The following CACNG2 variants were observed in gnomAD, a reference collection of about 807,000 sequenced individuals.
CACNG2 encodes voltage-dependent calcium channel gamma-2 subunit.
A neutral mutation model predicts 25.9 loss-of-function variants in CACNG2; 3 were observed. That is an observed-to-expected ratio of 0.12 (90% CI 0.05 to 0.30). CACNG2 has a LOEUF of 0.30. CACNG2 is among the 10% of genes least tolerant of loss of function. CACNG2 has a pLI of 1.00. For missense variants in CACNG2, 341 were observed against 432.5 expected (o/e 0.79, Z 1.88); for synonymous variants, 167 against 173.3 (o/e 0.96, Z 0.29).
chr22:36,601,074 A>C (rs1400019689), intron 1 of CACNG2, among the ~76,000 whole-genome samples: 1 of 152,214 alleles, frequency 6.6e-6, no homozygotes, highest in Non-Finnish European at 1.5e-5. Flanking sequence ...CATGTTGTAC[A>C]TTAGAGCTCT....
intron 1 of CACNG2, among the ~76,000 whole-genome samples, chr22:36,613,567 T>A (rs934009064): frequency 6.6e-6 from 1 of 152,178 alleles, no homozygotes; most frequent in African/African-American, 2.4e-5. Flanking sequence ...CCTCTGATTA[T>A]CTTGTACATT....
chr22:36,653,982 C>CTCTG (rs1936664911), intron 1 of CACNG2, among the ~76,000 whole-genome samples: 1 of 134,206 alleles, frequency 7.5e-6, no homozygotes, highest in African/African-American at 2.8e-5. Context: ...GTGTGTGTCT[C>CTCTG]TGTGTGTGTG....
intron 1 of CACNG2, among the ~76,000 whole-genome samples, chr22:36,667,960 A>G (rs1936896401): frequency 6.6e-6 from 1 of 152,222 alleles, no homozygotes; most frequent in Non-Finnish European, 1.5e-5. Flanking sequence ...ACCATCAAAC[A>G]GCAAGCACAC....
chr22:36,646,574 T>G (rs1244286535), intron 1 of CACNG2, among the ~76,000 whole-genome samples: 1 of 152,156 alleles, frequency 6.6e-6, no homozygotes, highest in Non-Finnish European at 1.5e-5. Flanking sequence ...GATAATTGCC[T>G]CCTTTATATG....
intron 1 of CACNG2, among the ~76,000 whole-genome samples, chr22:36,659,610 C>A (rs1936758910): frequency 7.7e-6 from 1 of 130,414 alleles, no homozygotes. Context: ...AGGAGTGGGG[C>A]CAAAGAAGCA....
intron 1 of CACNG2, among the ~76,000 whole-genome samples, chr22:36,639,103 G>A (rs7289090): frequency 0.072 from 10,972 of 152,212 alleles, 1,317 homozygotes; most frequent in African/African-American, 0.25. Flanking sequence ...AGGTTGGATC[G>A]TGGATCCTCC....
At chr22:36,661,210 T>C (rs928722314) in intron 1 of CACNG2, among the ~76,000 whole-genome samples, 8 of 152,240 alleles carry the variant, frequency 5.3e-5, no homozygotes, top group Non-Finnish European at 8.8e-5. Context: ...GAGGCTGCCA[T>C]GTACGTCGGA....
At chr22:36,603,576 T>G (rs970350008) in intron 1 of CACNG2, among the ~76,000 whole-genome samples, 1 of 152,190 alleles carries the variant, frequency 6.6e-6, no homozygotes, top group African/African-American at 2.4e-5. Flanking sequence ...CTAACTCTCT[T>G]GATAGGGGCT....
At chr22:36,607,484 CTT>C (rs1228617962) in intron 1 of CACNG2, among the ~76,000 whole-genome samples, 2 of 152,174 alleles carry the variant, frequency 1.3e-5, no homozygotes, top group African/African-American at 4.8e-5. Flanking sequence ...TCAAGTGATT[CTT>C]TCACCTCTCA....
chr22:36,680,492 T>C (rs1484468006), intron 1 of CACNG2, among the ~76,000 whole-genome samples: 5 of 144,484 alleles, frequency 3.5e-5, no homozygotes, highest in Non-Finnish European at 7.6e-5. Flanking sequence ...ACAGTCATTA[T>C]TACCACCATC....
chr22:36,568,532 G>A (rs1935167058), intron 2 of CACNG2, among the ~76,000 whole-genome samples: 1 of 151,988 alleles, frequency 6.6e-6, no homozygotes, highest in East Asian at 1.9e-4. Flanking sequence ...AGCCTCCCAA[G>A]TAGGTGGGAC....
chr22:36,654,523 T>C (rs1211950927), intron 1 of CACNG2, among the ~76,000 whole-genome samples: 1 of 152,150 alleles, frequency 6.6e-6, no homozygotes, highest in African/African-American at 2.4e-5. Context: ...TGACCCACTG[T>C]GCACAGCCTC....
chr22:36,583,475 T>C (rs1035890472), intron 2 of CACNG2, among the ~76,000 whole-genome samples: 1 of 152,130 alleles, frequency 6.6e-6, no homozygotes. Context: ...GAGGAGCTAT[T>C]TGGGAACCTG....
intron 2 of CACNG2, among the ~76,000 whole-genome samples, chr22:36,586,957 CT>C (rs552111507): frequency 8.1e-4 from 114 of 140,510 alleles, no homozygotes; most frequent in Admixed American, 9.1e-4. Context: ...AAATCTCTCT[CT>C]TTTTTTTTTT....
chr22:36,676,118 A>C (rs1182979583), intron 1 of CACNG2, among the ~76,000 whole-genome samples: 1 of 152,184 alleles, frequency 6.6e-6, no homozygotes, highest in Non-Finnish European at 1.5e-5. Flanking sequence ...GGCTCCCCAC[A>C]GCGCTATCTC....
intron 1 of CACNG2, among the ~76,000 whole-genome samples, chr22:36,674,670 A>G (rs966353542): frequency 1.3e-5 from 2 of 152,130 alleles, no homozygotes; most frequent in Non-Finnish European, 2.9e-5. Flanking sequence ...CATTTTACAG[A>G]TGAGGAAACT....
chr22:36,655,196 G>C (rs907310844), intron 1 of CACNG2, among the ~76,000 whole-genome samples: 1 of 152,188 alleles, frequency 6.6e-6, no homozygotes, highest in Non-Finnish European at 1.5e-5. Flanking sequence ...TTCTTCATAT[G>C]TGACTCTTTG....
rs756630130 is a variant in CACNG2 at position 36,564,591 on chromosome 22, C to A, written c.732G>T (p.Thr244=). ...QRRSRSSSRS[T]EPSHSRDASP... is the part of the protein sequence containing the mutation. ...AGGCGTCCCTGGAGTGTGAGGGCTC[C>A]GTGGAGCGCGAGCTGGAGCGGCTGC... Residue 244 remains threonine (T), a synonymous_variant, in exon 4 of 4, where the codon ACG becomes ACT. Transcript: ENST00000300105. This position sits in a 1 kb window ranked among gnomAD's most constrained non-coding sequence, Gnocchi z 6.7. 1.2e-6 allele frequency: 2 copies of A among 1,613,856 alleles called. No homozygotes were observed. The highest frequency in any genetic ancestry group is 1.7e-6 in the Non-Finnish European group (2 of 1,179,970).
At chr22:36,609,856 A>G (rs1376840211) in intron 1 of CACNG2, among the ~76,000 whole-genome samples, 1 of 146,382 alleles carries the variant, frequency 6.8e-6, no homozygotes, top group Non-Finnish European at 1.5e-5. Flanking sequence ...TTGATCGAGC[A>G]GGAATCAGCC....
Sources: allele counts gnomAD v4.1 joint callset (sites outside exome capture counted in the v4.1 genomes callset), GRCh38; gene constraint gnomAD v4.1.1; non-coding constraint Gnocchi (gnomAD v3.1); transcripts MANE v1.5; gene names NCBI Gene and HGNC (gene_info 2026-07-23, HGNC 2026-07-21).